TAFA2: variants seen among roughly 807,000 people sequenced by gnomAD.
TAFA2 encodes the protein chemokine-like protein TAFA-2.
In TAFA2, 7 loss-of-function variants were observed where a neutral mutation model predicts 18.8. The observed-to-expected ratio is 0.37, with a 90% CI of 0.21 to 0.70. The LOEUF (loss-of-function observed/expected upper bound fraction) is 0.70. TAFA2 is among the 30% of genes least tolerant of loss of function. TAFA2 has a pLI of 0.53. For synonymous variants in TAFA2, 60 were observed against 54.2 expected (o/e 1.11, Z -0.47); for missense variants, 122 against 158.1 (o/e 0.77, Z 1.23).
At chr12:61,997,761 A>T in intron 1 of TAFA2, among the ~76,000 whole-genome samples, 1 of 152,176 alleles carries the variant, frequency 6.6e-6, no homozygotes, top group Non-Finnish European at 1.5e-5. Context: ...GTTTAAAAAA[A>T]AGTGGAGGGA....
chr12:62,001,311 G>T (rs1319277931), intron 1 of TAFA2, among the ~76,000 whole-genome samples: 1 of 152,110 alleles, frequency 6.6e-6, no homozygotes, highest in African/African-American at 2.4e-5. Flanking sequence ...AGGCAGCAGG[G>T]AGTGGTTTTG....
intron 1 of TAFA2, among the ~76,000 whole-genome samples, chr12:62,241,407 A>G (rs2062862274): frequency 1.3e-5 from 2 of 152,356 alleles, no homozygotes; most frequent in African/African-American, 2.4e-5. Flanking sequence ...AGAAGTTTTT[A>G]GCTTGACCTC....
chr12:62,245,023 A>C (rs2062878580), intron 1 of TAFA2, among the ~76,000 whole-genome samples: 1 of 152,094 alleles, frequency 6.6e-6, no homozygotes, highest in African/African-American at 2.4e-5. Context: ...TCATTTCAGT[A>C]TAGGCAAATT....
intron 1 of TAFA2, among the ~76,000 whole-genome samples, chr12:61,910,383 A>T (rs1876558156): frequency 6.6e-6 from 1 of 152,090 alleles, no homozygotes; most frequent in Non-Finnish European, 1.5e-5. Flanking sequence ...GGAATGAGAC[A>T]CTCCCTCCTG....
chr12:62,246,852 T>G (rs986604684), intron 1 of TAFA2, among the ~76,000 whole-genome samples: 1 of 152,210 alleles, frequency 6.6e-6, no homozygotes, highest in Non-Finnish European at 1.5e-5. Flanking sequence ...GCCTGGCATG[T>G]TGTTTTCTAT....
chr12:61,974,714 T>C (rs1279719575), intron 1 of TAFA2, among the ~76,000 whole-genome samples: 1 of 151,830 alleles, frequency 6.6e-6, no homozygotes, highest in Non-Finnish European at 1.5e-5. Flanking sequence ...CATGTGATTA[T>C]AGACTCTCAG....
At chr12:61,895,001 G>C (rs1001702800) in intron 1 of TAFA2, among the ~76,000 whole-genome samples, 3 of 152,132 alleles carry the variant, frequency 2.0e-5, no homozygotes, top group Admixed American at 6.5e-5. Flanking sequence ...TTTTTGAATA[G>C]TATTTATCTC....
At chr12:62,149,295 T>C (rs986637112) in intron 1 of TAFA2, among the ~76,000 whole-genome samples, 1 of 152,132 alleles carries the variant, frequency 6.6e-6, no homozygotes, top group African/African-American at 2.4e-5. Context: ...GACATAGATC[T>C]AGGCAATGCT....
chr12:62,166,341 GA>G (rs1447862572), intron 1 of TAFA2, among the ~76,000 whole-genome samples: 1 of 152,110 alleles, frequency 6.6e-6, no homozygotes, highest in Non-Finnish European at 1.5e-5. Context: ...AACCCCTATG[GA>G]GAGACATTTG....
intron 1 of TAFA2, among the ~76,000 whole-genome samples, chr12:62,154,186 T>G (rs2062352440): frequency 6.6e-6 from 1 of 152,154 alleles, no homozygotes; most frequent in African/African-American, 2.4e-5. Flanking sequence ...GGAGTTGGTT[T>G]AATGATTTAA....
In TAFA2 at chr12:62,192,269, G is replaced by T. The variant is rs2062629472; in HGVS notation, c.-1012C>A. On this transcript the variant is annotated 5_prime_UTR_variant, in exon 1 of 5. Transcript: ENST00000416284. ...TAGGCATCGTGGGCTGGAAGGAAGG[G>T]AAACCCGCCGATGTCCCCCTGGTAG... is the stretch of plus-strand genomic sequence containing the variant. 1 of 152,260 alleles carries T rather than the reference G, an allele frequency of 6.6e-6. No homozygotes were observed. The highest frequency in any genetic ancestry group is 2.1e-4 in the South Asian group (1 of 4,832). The allele number at this position is 152,260 out of a possible 1,614,324, so 9.4% of individuals were successfully genotyped here.
chr12:61,981,723 G>T (rs894277387), intron 1 of TAFA2, among the ~76,000 whole-genome samples: 1 of 152,156 alleles, frequency 6.6e-6, no homozygotes, highest in African/African-American at 2.4e-5. Flanking sequence ...TATCATCACT[G>T]GTCATCAGAG....
intron 1 of TAFA2, among the ~76,000 whole-genome samples, chr12:61,977,168 C>T (rs1263939013): frequency 6.6e-6 from 1 of 152,034 alleles, no homozygotes; most frequent in African/African-American, 2.4e-5. Flanking sequence ...TTATAAACTA[C>T]ATATACTTTA....
chr12:61,814,980 T>C (rs1872018600), intron 2 of TAFA2, among the ~76,000 whole-genome samples: 1 of 151,562 alleles, frequency 6.6e-6, no homozygotes, highest in Non-Finnish European at 1.5e-5. Context: ...TCATTTTGAA[T>C]CTCTGACCTT....
chr12:61,799,471 T>A (rs574766541), intron 2 of TAFA2, among the ~76,000 whole-genome samples: 1 of 152,242 alleles, frequency 6.6e-6, no homozygotes, highest in Non-Finnish European at 1.5e-5. Flanking sequence ...AAGACTACTA[T>A]CGAAGTCTCA....
At chr12:62,071,873 T>C (rs1022247157) in intron 1 of TAFA2, among the ~76,000 whole-genome samples, 6 of 152,166 alleles carry the variant, frequency 3.9e-5, no homozygotes, top group Non-Finnish European at 7.4e-5. Context: ...ATAGGGGAAA[T>C]ACAGTTGTGT....
chr12:61,911,788 G>A (rs1433870885), intron 1 of TAFA2, among the ~76,000 whole-genome samples: 2 of 152,244 alleles, frequency 1.3e-5, no homozygotes, highest in East Asian at 1.9e-4. Flanking sequence ...AGGAGCTTGA[G>A]AAGGTGAAAC....
Position 61,760,875 on chromosome 12 carries a change from A to AC in TAFA2, c.107-5852_107-5851insG, listed in dbSNP as rs534287846. 5.4e-3 allele frequency among the ~76,000 whole-genome samples: 816 copies of AC among 151,918 alleles called. 6 individuals are homozygous for AC. The highest frequency in any genetic ancestry group is 0.019 in the African/African-American group (775 of 41,478). On this transcript the variant is annotated intron_variant, in intron 2 of 4. Transcript: ENST00000416284. ...ATGTCACAATTCCCAAGTCACCAAA[A>AC]AAAAAAAAAAAATTCTGAAATTTTT...
intron 1 of TAFA2, among the ~76,000 whole-genome samples, chr12:62,060,312 G>A (rs1882310822): frequency 1.3e-5 from 2 of 152,110 alleles, no homozygotes; most frequent in Non-Finnish European, 1.5e-5. Context: ...CATAAACAAT[G>A]GAGGTCCTAT....
Sources: allele counts gnomAD v4.1 joint callset (sites outside exome capture counted in the v4.1 genomes callset), GRCh38; gene constraint gnomAD v4.1.1; transcripts MANE v1.5; gene names NCBI Gene and HGNC (gene_info 2026-07-23, HGNC 2026-07-21).